The following DAB1 variants were observed in gnomAD, a reference collection of about 807,000 sequenced individuals.
The protein encoded by DAB1 is disabled homolog 1.
A neutral mutation model predicts 64.6 loss-of-function variants in DAB1; 15 were observed. The observed-to-expected ratio is 0.23, with a 90% CI of 0.16 to 0.36. DAB1 has a LOEUF of 0.36. Among genes scored for constraint, DAB1 ranks in the 10% least tolerant of loss-of-function variants. The pLI, the probability that DAB1 is intolerant of heterozygous loss-of-function variation, is 1.00. For missense variants in DAB1, 596 were observed against 706.7 expected (o/e 0.84, Z 1.78); for synonymous variants, 235 against 251.9 (o/e 0.93, Z 0.64).
At chr1:57,755,797 T>TGCC (rs1156741733) in intron 6 of DAB1, among the ~76,000 whole-genome samples, 6 of 152,206 alleles carry the variant, frequency 3.9e-5, no homozygotes, top group Non-Finnish European at 7.4e-5. Flanking sequence ...ATCATCATGC[T>TGCC]GCCACGTACA....
At chr1:57,836,035 G>A (rs952052340) in intron 1 of DAB1, among the ~76,000 whole-genome samples, 1 of 152,098 alleles carries the variant, frequency 6.6e-6, no homozygotes, top group Non-Finnish European at 1.5e-5. Context: ...CCCAACTCAA[G>A]GCCAGTCATA....
At chr1:58,266,025 C>T (rs1661150740) in intron 4 of DAB1, among the ~76,000 whole-genome samples, 1 of 108,746 alleles carries the variant, frequency 9.2e-6, no homozygotes. Flanking sequence ...TCTATACACA[C>T]ACACACATAC....
intron 6 of DAB1, among the ~76,000 whole-genome samples, chr1:57,782,003 T>C (rs544388776): frequency 6.6e-6 from 1 of 152,288 alleles, no homozygotes; most frequent in East Asian, 1.9e-4. Context: ...AAAACATTAA[T>C]TCACTAATTC....
chr1:57,380,291 T>C (rs1004456212), intron 1 of DAB1, among the ~76,000 whole-genome samples: 1 of 152,180 alleles, frequency 6.6e-6, no homozygotes, highest in Non-Finnish European at 1.5e-5. Context: ...GCCATAAAAC[T>C]GATATGGTGT....
At chr1:57,017,675 G>A (rs1196446708) in intron 11 of DAB1, among the ~76,000 whole-genome samples, 1 of 152,154 alleles carries the variant, frequency 6.6e-6, no homozygotes, top group Non-Finnish European at 1.5e-5. Flanking sequence ...AAACAATGAT[G>A]TCAACAAACA....
At chr1:57,945,682 G>A (rs1248879341) in intron 5 of DAB1, among the ~76,000 whole-genome samples, 1 of 152,088 alleles carries the variant, frequency 6.6e-6, no homozygotes, top group African/African-American at 2.4e-5. Flanking sequence ...TTATCTTGGA[G>A]AAACTAATAA....
chr1:57,393,095 G>A (rs1316268225), intron 1 of DAB1, among the ~76,000 whole-genome samples: 3 of 152,098 alleles, frequency 2.0e-5, no homozygotes, highest in South Asian at 2.1e-4. Context: ...TTTGATATAT[G>A]TATACATTGT....
chr1:58,173,627 C>T (rs931028604), intron 4 of DAB1, among the ~76,000 whole-genome samples: 2 of 152,104 alleles, frequency 1.3e-5, no homozygotes, highest in Non-Finnish European at 2.9e-5. Context: ...AGCCACACAC[C>T]GGAGCTACCT....
intron 7 of DAB1, among the ~76,000 whole-genome samples, chr1:57,463,031 A>G (rs781243193): frequency 6.6e-6 from 1 of 152,224 alleles, no homozygotes; most frequent in Non-Finnish European, 1.5e-5. Context: ...ATATAACAAT[A>G]TAATATATAA....
chr1:58,391,226 A>T (rs12087969), intron 3 of DAB1, among the ~76,000 whole-genome samples: 30,172 of 152,170 alleles, frequency 0.2, 3,339 homozygotes, highest in East Asian at 0.32. Context: ...GGCCAGCAGC[A>T]GCCAGGCTCT....
chr1:58,423,389 C>G (rs1300041616), intron 3 of DAB1, among the ~76,000 whole-genome samples: 1 of 152,232 alleles, frequency 6.6e-6, no homozygotes, highest in African/African-American at 2.4e-5. Context: ...TTTCCTCCTT[C>G]TGCAATCCTG....
chr1:57,338,852 A>G (rs1326977915), intron 1 of DAB1, among the ~76,000 whole-genome samples: 3 of 152,300 alleles, frequency 2.0e-5, no homozygotes, highest in African/African-American at 7.2e-5. Context: ...CTACTTTGTG[A>G]GTTTACTGAG....
chr1:58,189,298 T>C (rs983928429), intron 4 of DAB1, among the ~76,000 whole-genome samples: 4 of 152,236 alleles, frequency 2.6e-5, no homozygotes, highest in Non-Finnish European at 4.4e-5. Context: ...TCCAGATTTG[T>C]AGTCTGGGTG....
chr1:57,349,427 G>A (rs947911174), intron 1 of DAB1, among the ~76,000 whole-genome samples: 4 of 151,864 alleles, frequency 2.6e-5, no homozygotes, highest in Admixed American at 6.6e-5. Context: ...TTAATTTTCA[G>A]ACAATAAGTT....
intron 1 of DAB1, among the ~76,000 whole-genome samples, chr1:57,868,053 G>A (rs556481535): frequency 4.6e-5 from 7 of 152,296 alleles, no homozygotes; most frequent in African/African-American, 1.4e-4. Context: ...CTCCAGCCCA[G>A]CTCTGGTACA....
chr1:57,642,528 C>T (rs1646142411), intron 7 of DAB1, among the ~76,000 whole-genome samples: 1 of 152,136 alleles, frequency 6.6e-6, no homozygotes, highest in African/African-American at 2.4e-5. Flanking sequence ...TTATATATCC[C>T]CTCCCTCCCT....
intron 5 of DAB1, among the ~76,000 whole-genome samples, chr1:58,095,318 T>C (rs1650914887): frequency 6.6e-6 from 1 of 152,218 alleles, no homozygotes; most frequent in South Asian, 2.1e-4. Context: ...AAATATTTTA[T>C]GTACTGGGTG....
intron 1 of DAB1, among the ~76,000 whole-genome samples, chr1:57,326,449 A>G (rs766923626): frequency 1.3e-5 from 2 of 152,162 alleles, no homozygotes; most frequent in African/African-American, 2.4e-5. Flanking sequence ...AGAGGGTATT[A>G]AACACCCTCT....
At chr1:58,414,419 C>T (rs1376771221) in intron 3 of DAB1, among the ~76,000 whole-genome samples, 1 of 152,186 alleles carries the variant, frequency 6.6e-6, no homozygotes, top group Admixed American at 6.5e-5. Context: ...CTGTAATTGC[C>T]TGTTTTATTC....
Sources: allele counts gnomAD v4.1 joint callset (sites outside exome capture counted in the v4.1 genomes callset), GRCh38; gene constraint gnomAD v4.1.1; transcripts MANE v1.5; gene names NCBI Gene and HGNC (gene_info 2026-07-23, HGNC 2026-07-21).